DRD3: variants seen among roughly 807,000 people sequenced by gnomAD.
DRD3 encodes the protein dopamine receptor D3.
A neutral mutation model predicts 36.3 loss-of-function variants in DRD3; 19 were observed. That is an observed-to-expected ratio of 0.52 (90% CI 0.36 to 0.77). The LOEUF (loss-of-function observed/expected upper bound fraction) is 0.77. DRD3 is among the 30% of genes least tolerant of loss of function. The probability of loss-of-function intolerance (pLI) is 0.00; values close to 1 mark genes in which losing one functional copy is unlikely to be tolerated. For missense variants in DRD3, 465 were observed against 505.3 expected (o/e 0.92, Z 0.77); for synonymous variants, 195 against 203.7 (o/e 0.96, Z 0.36).
intron 2 of DRD3, among the ~76,000 whole-genome samples, chr3:114,165,987 ATTTTTTTTTTT>A (rs57837932): frequency 2.7e-5 from 3 of 112,394 alleles, no homozygotes; most frequent in African/African-American, 1.0e-4. Context: ...AACAGTTTGT[ATTTTTTTTTTT>A]TTTTTTTTTG....
chr3:114,134,619 T>C (rs973832753), intron 5 of DRD3, among the ~76,000 whole-genome samples: 2 of 151,706 alleles, frequency 1.3e-5, no homozygotes, highest in Non-Finnish European at 2.9e-5. Flanking sequence ...GGGGTTTCAC[T>C]ATTTTGGCCA....
Position 114,135,184 on chromosome 3 carries a change from C to CTTTTT in DRD3, c.724-3789_724-3785dup. ...GTGATTGAGAACATGTGATATTTGTCTTTTTTTTTTTTTTTTTTTTTTTTT... is the reference window on the plus strand; with the variant it reads ...GTGATTGAGAACATGTGATATTTGTCTTTTTTTTTTTTTTTTTTTTTTTTTTTTTT... On this transcript the variant is annotated intron_variant, in intron 5 of 6. Coordinates refer to ENST00000383673, the MANE Select transcript of DRD3 (RefSeq NM_000796.6). Among the ~76,000 whole-genome samples the CTTTTT allele has an allele frequency of 7.5e-4, 2 of 2,670 alleles. 1 individual carries two copies. The highest frequency in any genetic ancestry group is 8.6e-4 in the African/African-American group (2 of 2,336). The allele number at this position is 2,670 out of a possible 152,430, so 1.8% of individuals were successfully genotyped here.
At position 114,127,955 on chromosome 3, in the gene DRD3, A is replaced by G. The variant is rs2077393659; in HGVS notation, c.*761T>C. 6.6e-6 allele frequency among the ~76,000 whole-genome samples: 1 copy of G among 152,276 alleles called. No homozygotes were observed. Among genetic ancestry groups the G allele is most frequent in the African/African-American group, 2.4e-5 (1 of 41,486 alleles). ...AACCATAAGTTTCAACAGTGAAACT[A>G]CAATGGGATGTGTCATTCCGTCTTC... On this transcript the variant is annotated 3_prime_UTR_variant, in exon 7 of 7. Transcript: ENST00000383673.
chr3:114,194,696 A>T (rs2078027988), intron 1 of DRD3, among the ~76,000 whole-genome samples: 1 of 152,118 alleles, frequency 6.6e-6, no homozygotes, highest in African/African-American at 2.4e-5. Flanking sequence ...TTTTCATGTG[A>T]TGAACTTGGA....
At position 114,139,603 on chromosome 3, in the gene DRD3, A is replaced by G. The variant is rs370158071; in HGVS notation, c.620T>C (p.Val207Ala). The change falls in exon 5 of 7, where the codon GTC becomes GCC. Residue 207 changes from valine (V) to alanine (A), a missense_variant. Physicochemically the swap from Val to Ala is moderately conservative, Grantham distance 64. Coordinates refer to ENST00000383673, the MANE Select transcript of DRD3 (RefSeq NM_000796.6). The stretch of plus-strand genomic sequence containing the variant: ...CAGCACCACATAGATTCTGGCATAG[A>G]CAAGGACAGTCACTCCAAAGGGCAG... The part of the protein sequence containing the change: ...FYLPFGVTVL[V>A]YARIYVVLKQ... 3 of 1,614,164 alleles carry G rather than the reference A, an allele frequency of 1.9e-6. No homozygotes were observed. The African/African-American group carries it at 4.0e-5, about 22-fold the overall frequency.
chr3:114,182,492 T>A (rs1464005426), upstream of DRD3, among the ~76,000 whole-genome samples: 1 of 152,208 alleles, frequency 6.6e-6, no homozygotes, highest in African/African-American at 2.4e-5. Context: ...GTTTTTTATA[T>A]CTGCATCTAC....
At chr3:114,187,891 A>G (rs1055853897) in intron 1 of DRD3, among the ~76,000 whole-genome samples, 2 of 152,196 alleles carry the variant, frequency 1.3e-5, no homozygotes, top group African/African-American at 4.8e-5. Context: ...ATAGCAGGTA[A>G]CTCAGGCAAA....
intron 1 of DRD3, among the ~76,000 whole-genome samples, chr3:114,188,566 G>A (rs553892806): frequency 5.3e-5 from 8 of 152,188 alleles, no homozygotes; most frequent in Non-Finnish European, 1.2e-4. Flanking sequence ...CTTGCCTCAT[G>A]TTCACAATAT....
rs1158103384 is a variant in DRD3, at chr3:114,171,740, A to T, written c.253T>A (p.Trp85Arg). 1.9e-6 allele frequency: 3 copies of T among 1,607,942 alleles called. No individual in the cohort carries two copies. Among genetic ancestry groups the T allele is most frequent in the African/African-American group, 2.7e-5 (2 of 74,790 alleles). ...CTACTCACCTCCAGGTATACCACCC[A>T]GGGCATCACCAAGGTGGCCACCAGC... is the stretch of plus-strand genomic sequence containing the variant. ...DLLVATLVMP[W>R]VVYLEVTGGV... The change falls in exon 2 of 7, where the codon TGG becomes AGG. Residue 85 changes from tryptophan to arginine, a missense_variant. Coordinates refer to ENST00000383673, the MANE Select transcript of DRD3 (RefSeq NM_000796.6).
At chr3:114,196,626 C>T (rs1362311784) in intron 1 of DRD3, among the ~76,000 whole-genome samples, 1 of 150,352 alleles carries the variant, frequency 6.7e-6, no homozygotes, top group Non-Finnish European at 1.5e-5. Flanking sequence ...TCCAGCTCTA[C>T]ATCCTTACTG....
chr3:114,139,844 C>T (rs865811281), intron 4 of DRD3, 148 bp from the exon 5 acceptor site: 2 of 668,100 alleles, frequency 3.0e-6, no homozygotes, highest in Middle Eastern at 3.9e-4. Context: ...CGTATACTGT[C>T]AGGTCCTTGA....
At position 114,135,910 on chromosome 3, in the gene DRD3, C is replaced by T. The variant is rs183942566; in HGVS notation, c.723+3590G>A. ...GTTTCACCATGTTGGTCAGGCTGGTCTCGAACTCCTGACCTGGTGATCTGC... is the reference window on the plus strand; with the variant it reads ...GTTTCACCATGTTGGTCAGGCTGGTTTCGAACTCCTGACCTGGTGATCTGC... On this transcript the variant is annotated intron_variant, in intron 5 of 6. Transcript: ENST00000383673. Among the ~76,000 whole-genome samples the T allele has an allele frequency of 1.8e-4, 28 of 152,202 alleles. 1 individual carries two copies. The highest frequency in any genetic ancestry group is 1.3e-3 in the Admixed American group (20 of 15,294).
At chr3:114,144,078 C>T (rs1270359398) in intron 4 of DRD3, among the ~76,000 whole-genome samples, 1 of 152,234 alleles carries the variant, frequency 6.6e-6, no homozygotes, top group Admixed American at 6.5e-5. Flanking sequence ...ACTGCTGGGC[C>T]TCTGCTGGGA....
intron 2 of DRD3, among the ~76,000 whole-genome samples, chr3:114,166,758 G>A (rs534306387): frequency 3.3e-5 from 5 of 152,320 alleles, no homozygotes; most frequent in East Asian, 3.9e-4. Context: ...ATTTGGATAT[G>A]AGACTCCAAG....
At position 114,139,506 on chromosome 3, in the gene DRD3, G is replaced by T; in HGVS notation, c.717C>A (p.Pro239=). ...SQCNSVRPGF[P]QQTLSPDPAH... ...CCCCCTCCAGGGTACTTACTTGCTG[G>T]GGGAAGCCAGGCCTGACACTGTTGC... Residue 239 remains proline (P), a synonymous_variant, in exon 5 of 7, where the codon CCC becomes CCA. Coordinates refer to ENST00000383673, the MANE Select transcript of DRD3 (RefSeq NM_000796.6). 1 of 1,613,206 alleles carries T rather than the reference G, an allele frequency of 6.2e-7. No homozygotes were observed. The highest frequency in any genetic ancestry group is 8.5e-7 in the Non-Finnish European group (1 of 1,179,714).
intron 4 of DRD3, 91 bp from the exon 5 acceptor site, chr3:114,139,787 C>CAGAAAG: frequency 8.4e-7 from 1 of 1,194,466 alleles, no homozygotes; most frequent in Non-Finnish European, 1.2e-6. Context: ...CGTGTGGTGC[C>CAGAAAG]TGCACTTTCT....
At chr3:114,182,212 T>A (rs1017379634), upstream of DRD3, among the ~76,000 whole-genome samples, 22 of 152,212 alleles carry the variant, frequency 1.4e-4, no homozygotes, top group Admixed American at 4.6e-4. Flanking sequence ...CCCCTGTTCC[T>A]CTCCAATGAG....
At chr3:114,169,363 G>C (rs1463777336) in intron 2 of DRD3, among the ~76,000 whole-genome samples, 2 of 149,206 alleles carry the variant, frequency 1.3e-5, no homozygotes, top group African/African-American at 2.5e-5. Context: ...CATTGACTGG[G>C]TCTTGAAGCA....
chr3:114,165,146 G>A (rs1436331589), intron 2 of DRD3, among the ~76,000 whole-genome samples: 2 of 152,102 alleles, frequency 1.3e-5, no homozygotes, highest in Non-Finnish European at 2.9e-5. Flanking sequence ...AAATATATGT[G>A]TTTCTTTAAT....
Sources: gnomAD v4.1 joint callset for allele counts (sites outside exome capture counted in the v4.1 genomes callset) on GRCh38, gnomAD v4.1.1 for gene constraint, MANE v1.5 for transcripts, NCBI Gene and HGNC (gene_info 2026-07-23, HGNC 2026-07-21) for gene names.